Variants in SLC24A3 observed in about 807,000 individuals in gnomAD.
SLC24A3 encodes the protein sodium/potassium/calcium exchanger 3.
A neutral mutation model predicts 75.8 loss-of-function variants in SLC24A3; 28 were observed. That is an observed-to-expected ratio of 0.37 (90% CI 0.27 to 0.51). The LOEUF (loss-of-function observed/expected upper bound fraction) is 0.51. Among genes scored for constraint, SLC24A3 ranks in the 20% least tolerant of loss-of-function variants. The pLI, the probability that SLC24A3 is intolerant of heterozygous loss-of-function variation, is 0.94. For missense variants in SLC24A3, 663 were observed against 847.8 expected, an observed-to-expected ratio of 0.78 and a Z score of 2.71; for synonymous variants, 372 against 334.1, an observed-to-expected ratio of 1.11 and a Z score of -1.24.
At chr20:19,681,834 C>CTGA (rs771382763) in intron 9 of SLC24A3, 24 bp from the exon 10 acceptor site, 2 of 1,613,844 alleles carry the variant, frequency 1.2e-6, no homozygotes, top group South Asian at 2.2e-5. Flanking sequence ...CTGATGGACT[C>CTGA]TGCCCACTTG....
chr20:19,446,615 A>T (rs779529288), intron 2 of SLC24A3, among the ~76,000 whole-genome samples: 1 of 152,202 alleles, frequency 6.6e-6, no homozygotes, highest in African/African-American at 2.4e-5. Flanking sequence ...AGTGCTCTTT[A>T]TGTGACCTTG....
chr20:19,236,025 T>C (rs1982156224), intron 1 of SLC24A3, among the ~76,000 whole-genome samples: 1 of 152,224 alleles, frequency 6.6e-6, no homozygotes, highest in Non-Finnish European at 1.5e-5. Context: ...CAAGGCCTAA[T>C]TTGACTCCAA....
intron 15 of SLC24A3, among the ~76,000 whole-genome samples, chr20:19,713,090 AT>A (rs2033007594): frequency 6.6e-6 from 1 of 152,210 alleles, no homozygotes; most frequent in African/African-American, 2.4e-5. Context: ...TGTGGTGGGA[AT>A]TTTACCATGT....
At chr20:19,604,498 G>C (rs557455996) in intron 6 of SLC24A3, among the ~76,000 whole-genome samples, 1 of 152,298 alleles carries the variant, frequency 6.6e-6, no homozygotes, top group Non-Finnish European at 1.5e-5. Flanking sequence ...CTGGGTGGGG[G>C]GTCCTGGGGC....
chr20:19,427,185 A>G (rs1600476727), intron 2 of SLC24A3, among the ~76,000 whole-genome samples: 5 of 152,222 alleles, frequency 3.3e-5, no homozygotes, highest in African/African-American at 1.2e-4. Context: ...GAGTTTGGGA[A>G]GCAGATGCCC....
At chr20:19,492,171 T>C (rs906356692) in intron 2 of SLC24A3, among the ~76,000 whole-genome samples, 8 of 152,210 alleles carry the variant, frequency 5.3e-5, no homozygotes, top group Admixed American at 5.2e-4. Context: ...CTTTCTGGCC[T>C]TGACAAGGCC....
intron 4 of SLC24A3, among the ~76,000 whole-genome samples, chr20:19,583,915 C>T (rs386472204): frequency 5.3e-5 from 8 of 152,328 alleles, no homozygotes; most frequent in South Asian, 4.1e-4. Context: ...TCAAAATCCT[C>T]AGTTAGGGCT....
intron 1 of SLC24A3, among the ~76,000 whole-genome samples, chr20:19,230,612 A>G (rs761660763): frequency 2.3e-4 from 29 of 126,594 alleles, no homozygotes; most frequent in Non-Finnish European, 4.6e-4. Context: ...ATGGGTATAG[A>G]AAGACATATT....
chr20:19,242,831 A>G (rs1311657874), intron 1 of SLC24A3, among the ~76,000 whole-genome samples: 1 of 152,226 alleles, frequency 6.6e-6, no homozygotes, highest in Non-Finnish European at 1.5e-5. Context: ...CAAAATTTGC[A>G]TGTATAGATA....
intron 3 of SLC24A3, among the ~76,000 whole-genome samples, chr20:19,530,614 A>T (rs889906245): frequency 3.9e-5 from 6 of 152,162 alleles, no homozygotes; most frequent in African/African-American, 1.4e-4. Context: ...AAAGATTCTC[A>T]AGGTCCGAGA....
intron 2 of SLC24A3, among the ~76,000 whole-genome samples, chr20:19,502,009 A>C (rs1214675758): frequency 1.3e-5 from 2 of 152,116 alleles, no homozygotes; most frequent in African/African-American, 4.8e-5. Flanking sequence ...TCGCTTATGA[A>C]GTAGAATATA....
chr20:19,459,843 A>G (rs911423676), intron 2 of SLC24A3, among the ~76,000 whole-genome samples: 3 of 152,136 alleles, frequency 2.0e-5, no homozygotes, highest in African/African-American at 7.2e-5. Flanking sequence ...GAGATGGCAA[A>G]TGGCAGACGA....
chr20:19,692,613 A>G (rs6075559), intron 12 of SLC24A3, among the ~76,000 whole-genome samples: 19,886 of 152,208 alleles, frequency 0.13, 1,792 homozygotes, highest in African/African-American at 0.25. Context: ...GGCACAGCAA[A>G]CTTTCTGGAA....
chr20:19,367,010 T>G (rs1985903974), intron 2 of SLC24A3, among the ~76,000 whole-genome samples: 2 of 152,206 alleles, frequency 1.3e-5, no homozygotes, highest in Non-Finnish European at 2.9e-5. Context: ...AAAGAACCTA[T>G]TGTGATGGCG....
At chr20:19,307,171 C>T (rs539862657) in intron 2 of SLC24A3, among the ~76,000 whole-genome samples, 1 of 152,216 alleles carries the variant, frequency 6.6e-6, no homozygotes, top group Non-Finnish European at 1.5e-5. Context: ...ATCCTCTCAT[C>T]TCAAAATGGG....
chr20:19,554,372 C>T (rs527240644), intron 3 of SLC24A3, among the ~76,000 whole-genome samples: 18 of 152,038 alleles, frequency 1.2e-4, no homozygotes, highest in African/African-American at 3.4e-4. Context: ...ATGTAGCTCA[C>T]GTGATAGTTC....
intron 6 of SLC24A3, among the ~76,000 whole-genome samples, chr20:19,631,791 AGTGTGTGTGT>A (rs148278633): frequency 4.1e-5 from 6 of 147,940 alleles, no homozygotes; most frequent in East Asian, 2.0e-4. Flanking sequence ...TATGAGTGAG[AGTGTGTGTGT>A]GTGTGTGTGT....
chr20:19,429,095 G>T (rs1280361222), intron 2 of SLC24A3, among the ~76,000 whole-genome samples: 1 of 152,112 alleles, frequency 6.6e-6, no homozygotes, highest in Non-Finnish European at 1.5e-5. Context: ...TACACTATTA[G>T]CAGCCAGAAA....
chr20:19,534,128 A>G (rs2030353204), intron 3 of SLC24A3, among the ~76,000 whole-genome samples: 1 of 152,272 alleles, frequency 6.6e-6, no homozygotes, highest in Admixed American at 6.5e-5. Flanking sequence ...AGCTACATAA[A>G]TAGCAAAGCT....
Sources: gnomAD v4.1 joint callset for allele counts (sites outside exome capture counted in the v4.1 genomes callset) on GRCh38, gnomAD v4.1.1 for gene constraint, MANE v1.5 for transcripts, NCBI Gene and HGNC (gene_info 2026-07-23, HGNC 2026-07-21) for gene names.